C20orf203: variants seen among roughly 807,000 people sequenced by gnomAD.
C20orf203 encodes the protein chromosome 20 open reading frame 203, also known as uncharacterized protein C20orf203.
Under a neutral mutation model 15.9 loss-of-function variants are expected in C20orf203, and 16 were observed. The ratio of observed to expected loss-of-function variants is 1.01; its 90% confidence interval spans 0.68 to 1.53. C20orf203 has a LOEUF of 1.53. Ranked by LOEUF, C20orf203 falls within the 40% of genes most tolerant of loss-of-function variation. The pLI, the probability that C20orf203 is intolerant of heterozygous loss-of-function variation, is 0.00. For missense variants in C20orf203, 263 were observed against 247.5 expected (o/e 1.06, Z -0.42); for synonymous variants, 98 against 97.2 (o/e 1.01, Z -0.05).
intron 1 of C20orf203, among the ~76,000 whole-genome samples, chr20:32,665,374 G>A (rs1004676502): frequency 6.6e-6 from 1 of 152,214 alleles, no homozygotes; most frequent in Non-Finnish European, 1.5e-5. Flanking sequence ...CCAGGTGCCA[G>A]ACCAAGAGCA....
intron 1 of C20orf203, among the ~76,000 whole-genome samples, chr20:32,656,069 A>G (rs1982746615): frequency 6.6e-6 from 1 of 152,186 alleles, no homozygotes; most frequent in South Asian, 2.1e-4. Flanking sequence ...GCCTTCTGCC[A>G]TGATTGGAAG....
intron 1 of C20orf203, among the ~76,000 whole-genome samples, chr20:32,666,522 G>T (rs1983030058): frequency 1.3e-5 from 2 of 150,544 alleles, no homozygotes; most frequent in Admixed American, 6.6e-5. Context: ...CCAGCACTTT[G>T]GGAGGCTGAG....
intron 4 of C20orf203, among the ~76,000 whole-genome samples, chr20:32,644,401 T>A (rs1248062249): frequency 6.6e-6 from 1 of 152,088 alleles, no homozygotes; most frequent in African/African-American, 2.4e-5. Context: ...TGAGCTGAGA[T>A]CGTACCACTG....
chr20:32,641,420 TG>T (rs1982278428), intron 4 of C20orf203, among the ~76,000 whole-genome samples: 5 of 152,058 alleles, frequency 3.3e-5, no homozygotes, highest in Non-Finnish European at 7.4e-5. Flanking sequence ...GGAATAACGC[TG>T]CTATTAACAT....
At chr20:32,668,442 A>G (rs1033639178) in intron 1 of C20orf203, among the ~76,000 whole-genome samples, 1 of 152,038 alleles carries the variant, frequency 6.6e-6, no homozygotes, top group Non-Finnish European at 1.5e-5. Flanking sequence ...CCTGGCCAAC[A>G]TGGTGAAACC....
intron 4 of C20orf203, among the ~76,000 whole-genome samples, chr20:32,645,463 C>A (rs896651932): frequency 6.6e-6 from 1 of 152,212 alleles, no homozygotes; most frequent in African/African-American, 2.4e-5. Flanking sequence ...ACCCTGCCCC[C>A]CTGGGGGGAT....
At position 32,659,032 on chromosome 20, in the gene C20orf203, C is replaced by T. The variant is rs555825938; in HGVS notation, c.-263-7051G>A. ...CTGGGACTACAGGCATGCACCACCA[C>T]GCCTGGCTAATTTTTTGTATTTTTA... On this transcript the variant is annotated intron_variant, in intron 1 of 5. Transcript: ENST00000608990. Among the ~76,000 whole-genome samples, 14 of 152,130 alleles carry T rather than the reference C, an allele frequency of 9.2e-5. No homozygotes were observed. In the East Asian group the frequency reaches 9.7e-4, roughly 10 times the overall value.
intron 1 of C20orf203, among the ~76,000 whole-genome samples, chr20:32,663,003 C>G (rs1982931025): frequency 7.0e-6 from 1 of 142,780 alleles, no homozygotes; most frequent in Admixed American, 7.2e-5. Flanking sequence ...GGCTGGAGTA[C>G]AGCGGCTCAA....
intron 1 of C20orf203, among the ~76,000 whole-genome samples, chr20:32,670,185 G>T (rs1348863343): frequency 6.6e-6 from 1 of 151,748 alleles, no homozygotes; most frequent in Non-Finnish European, 1.5e-5. Flanking sequence ...ACTCCAGCCT[G>T]GGTAACAACA....
At chr20:32,634,383 G>C in intron 5 of C20orf203, 113 bp from the exon 6 acceptor site, 1 of 395,738 alleles carries the variant, frequency 2.5e-6, no homozygotes, top group South Asian at 1.4e-4. Flanking sequence ...AGAAGTGCAC[G>C]TTGTTCCTTA....
chr20:32,664,888 G>A (rs577541023), intron 1 of C20orf203, among the ~76,000 whole-genome samples: 6 of 152,336 alleles, frequency 3.9e-5, no homozygotes, highest in East Asian at 1.9e-4. Context: ...GCAGTGAGTC[G>A]ATCCTCATTT....
At chr20:32,641,152 C>CTACAAAA (rs750494577) in intron 4 of C20orf203, among the ~76,000 whole-genome samples, 6 of 151,936 alleles carry the variant, frequency 3.9e-5, no homozygotes, top group Admixed American at 6.6e-5. Context: ...GACCCTGTCT[C>CTACAAAA]TACAAAATAC....
chr20:32,655,729 G>T (rs1982738941), intron 1 of C20orf203, among the ~76,000 whole-genome samples: 2 of 152,206 alleles, frequency 1.3e-5, no homozygotes, highest in Non-Finnish European at 2.9e-5. Flanking sequence ...GGAGGTGGAG[G>T]TTGCAGTGAG....
At chr20:32,639,378 C>T (rs1407622925) in intron 5 of C20orf203, among the ~76,000 whole-genome samples, 1 of 152,214 alleles carries the variant, frequency 6.6e-6, no homozygotes, top group African/African-American at 2.4e-5. Context: ...GTGGGCAGAA[C>T]ATGGGCTTCC....
At chr20:32,655,599 C>T (rs190095532) in intron 1 of C20orf203, among the ~76,000 whole-genome samples, 555 of 152,222 alleles carry the variant, frequency 3.6e-3, no homozygotes, top group Middle Eastern at 0.014. Flanking sequence ...TCAAGACCAA[C>T]CTGGCCAACA....
At chr20:32,637,372 C>G (rs1982165048) in intron 5 of C20orf203, among the ~76,000 whole-genome samples, 1 of 152,118 alleles carries the variant, frequency 6.6e-6, no homozygotes, top group Admixed American at 6.6e-5. Context: ...AAGATCACGC[C>G]ACTGCTGCAC....
Position 32,671,313 on chromosome 20 carries a change from C to T in C20orf203, c.-264+2319G>A, listed in dbSNP as rs371457228. Among the ~76,000 whole-genome samples, 15 of 152,266 alleles carry T rather than the reference C, an allele frequency of 9.9e-5. No individual in the cohort carries two copies. The East Asian group carries it at 1.9e-3, about 20-fold the overall frequency. ...CATCCACAGATGAATGGATAAACAA[C>T]ATATGGTGTGTACACACATTGGAAT... On this transcript the variant is annotated intron_variant, in intron 1 of 5. Transcript: ENST00000608990.
At chr20:32,654,080 G>GAA (rs71338449) in intron 1 of C20orf203, among the ~76,000 whole-genome samples, 6 of 132,800 alleles carry the variant, frequency 4.5e-5, no homozygotes, top group South Asian at 2.4e-4. Flanking sequence ...GTGATGGAGC[G>GAA]AAAAAAAAAA....
chr20:32,640,253 T>C (rs1982244084), intron 5 of C20orf203, among the ~76,000 whole-genome samples: 1 of 152,168 alleles, frequency 6.6e-6, no homozygotes. Flanking sequence ...TCTTTTTTTC[T>C]GCTTATCCAT....
Sources: gnomAD v4.1 joint callset for allele counts (sites outside exome capture counted in the v4.1 genomes callset) on GRCh38, gnomAD v4.1.1 for gene constraint, MANE v1.5 for transcripts, NCBI Gene and HGNC (gene_info 2026-07-23, HGNC 2026-07-21) for gene names.